Variants in RGPD4 observed in about 807,000 individuals in gnomAD.
RGPD4 encodes RANBP2 like and GRIP domain containing 4.
RGPD4 carries 84 observed loss-of-function variants against 141.1 expected under a neutral mutation model. The observed-to-expected ratio is 0.60, with a 90% CI of 0.50 to 0.71. The LOEUF (loss-of-function observed/expected upper bound fraction) is 0.71, where lower values mean the gene tolerates loss of function less well. RGPD4 is among the 30% of genes least tolerant of loss of function. RGPD4 has a pLI of 0.00. For synonymous variants in RGPD4, 298 were observed against 566.8 expected, an observed-to-expected ratio of 0.53 and a Z score of 6.74; for missense variants, 918 against 1,622.4, an observed-to-expected ratio of 0.57 and a Z score of 7.46.
chr2:107,862,384 CA>C (rs1682571829), intron 15 of RGPD4, among the ~76,000 whole-genome samples: 1 of 150,374 alleles, frequency 6.7e-6, no homozygotes, highest in Non-Finnish European at 1.5e-5. Context: ...TCATGGTTAA[CA>C]GAAGTAATAG....
At chr2:107,828,051 G>A (rs1328540279) in intron 1 of RGPD4, among the ~76,000 whole-genome samples, 1 of 53,246 alleles carries the variant, frequency 1.9e-5, no homozygotes, top group Non-Finnish European at 3.7e-5. Context: ...GGCTCCCGAC[G>A]GGCGCTGCTC....
chr2:107,846,245 C>T (rs923020351), intron 6 of RGPD4, among the ~76,000 whole-genome samples: 4 of 150,402 alleles, frequency 2.7e-5, no homozygotes, highest in Non-Finnish European at 5.9e-5. Context: ...CTCTTGACCT[C>T]TTGATCTGTC....
At chr2:107,845,063 A>T in intron 6 of RGPD4, among the ~76,000 whole-genome samples, 1 of 140,698 alleles carries the variant, frequency 7.1e-6, no homozygotes. Flanking sequence ...TTTTTTTTTG[A>T]GACTGAGTCT....
intron 21 of RGPD4, among the ~76,000 whole-genome samples, chr2:107,881,581 G>A (rs1460348865): frequency 1.3e-5 from 2 of 151,234 alleles, no homozygotes; most frequent in East Asian, 3.9e-4. Flanking sequence ...CTCCCAAAGT[G>A]TTGGGATTAC....
chr2:107,845,045 T>A (rs538693868), intron 6 of RGPD4, among the ~76,000 whole-genome samples: 63 of 143,850 alleles, frequency 4.4e-4, no homozygotes, highest in Non-Finnish European at 7.2e-4. Context: ...ATGGTCTCAA[T>A]CTCTCTTTTT....
intron 22 of RGPD4, among the ~76,000 whole-genome samples, chr2:107,883,792 G>A (rs1357097476): frequency 1.3e-5 from 2 of 151,912 alleles, no homozygotes; most frequent in Non-Finnish European, 2.9e-5. Context: ...TTTCATTTTT[G>A]TTTTAGTTTT....
Position 107,890,864 on chromosome 2 carries a change from T to C in RGPD4, c.*133T>C, listed in dbSNP as rs1342014085. 2 of 1,015,318 alleles carry C rather than the reference T, an allele frequency of 2.0e-6. No homozygotes were observed. Among genetic ancestry groups the C allele is most frequent in the Non-Finnish European group, 2.9e-6 (2 of 679,036 alleles). 62.9% of individuals were successfully genotyped at this position (1,015,318 alleles called of 1,614,324 possible). ...AAATGGTTCATGTGTATTACCATCATTCTTTTGTCAAAAAGTGTGTATATG... is the reference window on the plus strand; with the variant it reads ...AAATGGTTCATGTGTATTACCATCACTCTTTTGTCAAAAAGTGTGTATATG... On this transcript the variant is annotated 3_prime_UTR_variant, in exon 23 of 23. Coordinates refer to ENST00000408999, the MANE Select transcript of RGPD4 (RefSeq NM_182588.3).
intron 22 of RGPD4, among the ~76,000 whole-genome samples, chr2:107,884,584 G>A (rs1033191636): frequency 6.8e-6 from 1 of 146,308 alleles, no homozygotes; most frequent in East Asian, 2.0e-4. Flanking sequence ...CAATTAGGTG[G>A]GATGGTGGAC....
At chr2:107,827,807 G>C (rs1340558328) in intron 1 of RGPD4, among the ~76,000 whole-genome samples, 1 of 29,126 alleles carries the variant, frequency 3.4e-5, no homozygotes, top group Non-Finnish European at 6.6e-5. Flanking sequence ...GACCCGGCCC[G>C]GCGGCGGCCT....
In RGPD4 at chr2:107,826,988, G is replaced by C. The variant is rs774937607; in HGVS notation, c.-26G>C. On this transcript the variant is annotated 5_prime_UTR_variant, in exon 1 of 23. Coordinates refer to ENST00000408999, the MANE Select transcript of RGPD4 (RefSeq NM_182588.3). ...GCGGGGCTGAGCGCTGGTTTCACGC[G>C]TCTCGGGAGCCAGGTTGGTGGCGCG... The C allele has an allele frequency of 3.3e-5, 52 of 1,590,090 alleles. No homozygotes were observed. In the East Asian group the frequency reaches 5.5e-4, roughly 17 times the overall value.
At chr2:107,880,742 A>C (rs2104515333) in intron 21 of RGPD4, among the ~76,000 whole-genome samples, 1 of 148,656 alleles carries the variant, frequency 6.7e-6, no homozygotes, top group East Asian at 2.0e-4. Context: ...TAAATTATTC[A>C]ACTGATATTT....
intron 6 of RGPD4, among the ~76,000 whole-genome samples, chr2:107,845,468 G>GTCAC (rs759399830): frequency 4.7e-5 from 7 of 150,492 alleles, no homozygotes; most frequent in Non-Finnish European, 1.0e-4. Flanking sequence ...TGGGAATGGA[G>GTCAC]TCACTCGGGA....
At position 107,845,207 on chromosome 2, in the gene RGPD4, A is replaced by ATTTTT. The variant is rs1167860983; in HGVS notation, c.782+1522_782+1526dup. Among the ~76,000 whole-genome samples, 3 of 59,458 alleles carry ATTTTT rather than the reference A, an allele frequency of 5.0e-5. 1 individual carries two copies. The highest frequency in any genetic ancestry group is 1.9e-3 in the East Asian group (2 of 1,080). 39.0% of individuals were successfully genotyped at this position (59,458 alleles called of 152,430 possible). On this transcript the variant is annotated intron_variant, in intron 6 of 22. Coordinates refer to ENST00000408999, the MANE Select transcript of RGPD4 (RefSeq NM_182588.3). ...AGGTGCCCGACACCACACCTGGCTAATTTTTTTTTTTTTTTTTTTTTTTTT... is the reference window on the plus strand; with the variant it reads ...AGGTGCCCGACACCACACCTGGCTAATTTTTTTTTTTTTTTTTTTTTTTTTTTTTT...
chr2:107,827,691 GGGC>G (rs1248965948), intron 1 of RGPD4, among the ~76,000 whole-genome samples: 2 of 53,904 alleles, frequency 3.7e-5, no homozygotes, highest in Admixed American at 1.7e-4. Flanking sequence ...CGACCTGGCT[GGGC>G]GGCGGCGGCC....
chr2:107,890,717 A>T lies in RGPD4; in HGVS notation c.5267-4A>T. 6.3e-7 allele frequency: 1 copy of T among 1,598,210 alleles called. No individual in the cohort carries two copies. On this transcript the variant is annotated splice_region_variant and splice_polypyrimidine_tract_variant and intron_variant, in intron 22 of 22. Transcript: ENST00000408999. ...TTCTTTTTTTTTTGTTTTACTTTCC[A>T]AAGGTGAGGAATAAAATGCTTCCCG...
chr2:107,826,913 C>CAA lies in RGPD4; in HGVS notation c.-101_-100insAA. On this transcript the variant is annotated 5_prime_UTR_variant, in exon 1 of 23. Transcript: ENST00000408999. ...CGTCACAGTGGTCCTCCGCCGGCTA[C>CAA]GCGGAGTCAGTGGCTTTCAGGCGCT... The CAA allele has an allele frequency of 6.5e-7, 1 of 1,545,648 alleles. No homozygotes were observed. Among genetic ancestry groups the CAA allele is most frequent in the South Asian group, 1.2e-5 (1 of 83,992 alleles).
At chr2:107,856,082 C>A (rs1235812599) in intron 8 of RGPD4, among the ~76,000 whole-genome samples, 1 of 133,768 alleles carries the variant, frequency 7.5e-6, no homozygotes, top group Admixed American at 7.5e-5. Context: ...CTGAGACAGT[C>A]TTACTCTGTC....
intron 1 of RGPD4, among the ~76,000 whole-genome samples, chr2:107,829,191 C>G (rs1214208532): frequency 9.9e-5 from 2 of 20,238 alleles, no homozygotes; most frequent in Non-Finnish European, 1.1e-4. Flanking sequence ...CGACCCGGCC[C>G]GGCGGCGGCC....
At chr2:107,880,496 C>T (rs1183995663) in intron 21 of RGPD4, among the ~76,000 whole-genome samples, 5 of 151,646 alleles carry the variant, frequency 3.3e-5, no homozygotes, top group Admixed American at 6.6e-5. Flanking sequence ...ATCTCCTGAC[C>T]TCATGATCCA....
Sources: gnomAD v4.1 joint callset for allele counts (sites outside exome capture counted in the v4.1 genomes callset) on GRCh38, gnomAD v4.1.1 for gene constraint, MANE v1.5 for transcripts, NCBI Gene and HGNC (gene_info 2026-07-23, HGNC 2026-07-21) for gene names.